KIFC1: variants seen among roughly 807,000 people sequenced by gnomAD.
KIFC1 encodes the protein kinesin family member C1, also known as kinesin-like protein KIFC1.
KIFC1 carries 37 observed loss-of-function variants against 66.6 expected under a neutral mutation model. That is an observed-to-expected ratio of 0.56 (90% CI 0.43 to 0.73). The LOEUF is 0.73. Among genes scored for constraint, KIFC1 ranks in the 30% least tolerant of loss-of-function variants. The probability of loss-of-function intolerance (pLI) is 0.00; values close to 1 mark genes in which losing one functional copy is unlikely to be tolerated. For synonymous variants in KIFC1, 325 were observed against 343.5 expected (o/e 0.95, Z 0.60); for missense variants, 721 against 859.8 (o/e 0.84, Z 2.02).
chr6:33,394,540 G>T (rs540581906), intron 1 of KIFC1, among the ~76,000 whole-genome samples: 1 of 152,260 alleles, frequency 6.6e-6, no homozygotes, highest in Non-Finnish European at 1.5e-5. Flanking sequence ...GGAGTGCAGT[G>T]GTGTGATCTC....
chr6:33,404,846 G>T lies in KIFC1; in HGVS notation c.757-6G>T. On this transcript the variant is annotated splice_region_variant and splice_polypyrimidine_tract_variant and intron_variant, in intron 6 of 10. Coordinates refer to ENST00000428849, the MANE Select transcript of KIFC1 (RefSeq NM_002263.4). The surrounding 1 kb of genome is among the most constrained non-coding windows in gnomAD (Gnocchi z 4.0). Reference sequence around the variant, plus strand: ...CTCTGTGTATGTTGTGTTCTCTTCTGGGCAGAGGAGGCTGCAGACATCAGA... The same window carrying T: ...CTCTGTGTATGTTGTGTTCTCTTCTTGGCAGAGGAGGCTGCAGACATCAGA... The T allele has an allele frequency of 6.3e-7, 1 of 1,599,982 alleles. No individual in the cohort carries two copies. The highest frequency in any genetic ancestry group is 8.5e-7 in the Non-Finnish European group (1 of 1,171,956).
Position 33,401,987 on chromosome 6 carries a change from G to A in KIFC1, c.251-1327G>A, listed in dbSNP as rs1775398235. On this transcript the variant is annotated intron_variant, in intron 3 of 10. Coordinates refer to ENST00000428849, the MANE Select transcript of KIFC1 (RefSeq NM_002263.4). This position sits in a 1 kb window ranked among gnomAD's most constrained non-coding sequence, Gnocchi z 4.5. ...CCCAAAGTGCTGGGATTACAGGCGT[G>A]AGCCACAGTGCCTGGCCTGGAATGC... is the stretch of plus-strand genomic sequence containing the variant. Among the ~76,000 whole-genome samples, 1 of 152,180 alleles carries A rather than the reference G, an allele frequency of 6.6e-6. No homozygotes were observed. The highest frequency in any genetic ancestry group is 1.5e-5 in the Non-Finnish European group (1 of 68,046).
In KIFC1 at chr6:33,409,647, T is replaced by C. The variant is rs4470839; in HGVS notation, c.1979T>C (p.Val660Ala). Residue 660 changes from valine (V) to alanine (A), a missense_variant and splice_region_variant, in exon 11 of 11, where the codon GTG becomes GCG. By Grantham distance (64) the Val-to-Ala change is moderately conservative. Coordinates refer to ENST00000428849, the MANE Select transcript of KIFC1 (RefSeq NM_002263.4). ...SLNSLRFASK[V>A]NQCVIGTAQA... ...TCCTGTCTAACCCCCTGCCCCCAGG[T>C]GAACCAGTGTGTTATTGGTACTGCT... The C allele has an allele frequency of 1.9e-6, 3 of 1,613,052 alleles. No individual in the cohort carries two copies. The Admixed American group carries it at 5.0e-5, about 27-fold the overall frequency.
In KIFC1 at chr6:33,409,749, G is replaced by GTGTC; in HGVS notation, c.*62_*63insCTGT. ...TGTGTGTGTGTGTGTGTGTGTGTGT[G>GTGTC]TGTGTCCCTATGTCTATGTATCGGG... On this transcript the variant is annotated 3_prime_UTR_variant, in exon 11 of 11. Transcript: ENST00000428849. The GTGTC allele has an allele frequency of 7.9e-7, 1 of 1,263,548 alleles. No homozygotes were observed. Among genetic ancestry groups the GTGTC allele is most frequent in the East Asian group, 2.4e-5 (1 of 41,782 alleles). 78.3% of individuals were successfully genotyped at this position (1,263,548 alleles called of 1,614,324 possible).
rs764793531 is a variant in KIFC1 at position 33,398,159 on chromosome 6, C to G, written c.143C>G (p.Pro48Arg). The stretch of plus-strand genomic sequence containing the variant: ...GACCAGATGGAAGATGGCCTGGAGC[C>G]TGAGAAGGTGAGCTGGGCATGGAGA... ...RPDQMEDGLEPEKKRTRGLGA... is the reference protein window; with the variant it reads ...RPDQMEDGLEREKKRTRGLGA... The change falls in exon 2 of 11, where the codon CCT becomes CGT. Residue 48 changes from proline to arginine, a missense_variant. Pro to Arg is a moderately radical substitution (Grantham distance 103). Coordinates refer to ENST00000428849, the MANE Select transcript of KIFC1 (RefSeq NM_002263.4). The G allele has an allele frequency of 6.2e-7, 1 of 1,613,956 alleles. No homozygotes were observed.
At position 33,409,705 on chromosome 6, in the gene KIFC1, C is replaced by CTCTGTG. The variant is rs879041071; in HGVS notation, c.*16_*17insCTGTGT. 0.019 allele frequency: 23,710 copies of CTCTGTG among 1,256,710 alleles called. 1,615 individuals are homozygous for CTCTGTG. Among genetic ancestry groups the CTCTGTG allele is most frequent in the East Asian group, 0.037 (1,441 of 39,030 alleles). The allele number at this position is 1,256,710 out of a possible 1,614,324, so 77.8% of individuals were successfully genotyped here. On this transcript the variant is annotated 3_prime_UTR_variant, in exon 11 of 11. Coordinates refer to ENST00000428849, the MANE Select transcript of KIFC1 (RefSeq NM_002263.4). ...ACAGGAAGTGAAGACGGATCCAGAT[C>CTCTGTG]TGTGTGTGTGTGTGTGTGTGTGTGT...
chr6:33,403,931 A>G lies in KIFC1; in HGVS notation c.558A>G (p.Thr186=), dbSNP rs2151090812. ...TCAAGGCCCTGGGGACAGAGCGCAC[A>G]ACACTGGAGGGGCATTTAGCCAAGG... The part of the protein sequence containing the change: ...QQVKALGTER[T]TLEGHLAKVQ... Residue 186 remains threonine (T), a synonymous_variant, in exon 6 of 11, where the codon ACA becomes ACG. Transcript: ENST00000428849. The surrounding 1 kb of genome is among the most constrained non-coding windows in gnomAD (Gnocchi z 4.6). 1 of 1,614,242 alleles carries G rather than the reference A, an allele frequency of 6.2e-7. No individual in the cohort carries two copies. The highest frequency in any genetic ancestry group is 2.2e-5 in the East Asian group (1 of 44,894).
chr6:33,403,678 G>A lies in KIFC1; in HGVS notation c.356-51G>A, dbSNP rs1259858551. 1 of 1,596,086 alleles carries A rather than the reference G, an allele frequency of 6.3e-7. No individual in the cohort carries two copies. Among genetic ancestry groups the A allele is most frequent in the South Asian group, 1.1e-5 (1 of 89,708 alleles). On this transcript the variant is annotated intron_variant, in intron 5 of 10. Transcript: ENST00000428849. This position sits in a 1 kb window ranked among gnomAD's most constrained non-coding sequence, Gnocchi z 4.6. Reference sequence around the variant, plus strand: ...CCCATAAAGGCTAGAAGGGAGGAGGGATAGAGAGCCTAGACTTCACTGACC... The same window carrying A: ...CCCATAAAGGCTAGAAGGGAGGAGGAATAGAGAGCCTAGACTTCACTGACC...
At position 33,397,955 on chromosome 6, in the gene KIFC1, T is replaced by C. The variant is rs915761958; in HGVS notation, c.13-74T>C. ...TGGTGGTGGTGTTGACAATTGAGGC[T>C]GGGGGCCAAGACAGGAAGTTCTTGG... On this transcript the variant is annotated intron_variant, in intron 1 of 10. Transcript: ENST00000428849. The C allele has an allele frequency of 2.1e-5, 33 of 1,538,734 alleles. No homozygotes were observed. The African/African-American group carries it at 3.4e-4, about 16-fold the overall frequency.
chr6:33,405,097 T>C lies in KIFC1; in HGVS notation c.1002T>C (p.Phe334=), dbSNP rs764215091. 1.9e-6 allele frequency: 3 copies of C among 1,614,096 alleles called. No individual in the cohort carries two copies. Among genetic ancestry groups the C allele is most frequent in the Non-Finnish European group, 2.5e-6 (3 of 1,179,998 alleles). ...EPTPPPGLLL[F]PSGPGGPSDP... ...CTCCACCCCCTGGCCTCCTCCTGTT[T>C]CCCTCTGGCCCTGGTGGGCCCTCTG... is the stretch of plus-strand genomic sequence containing the variant. Residue 334 remains phenylalanine, a synonymous_variant, in exon 7 of 11, where the codon TTT becomes TTC. Coordinates refer to ENST00000428849, the MANE Select transcript of KIFC1 (RefSeq NM_002263.4). This position sits in a 1 kb window ranked among gnomAD's most constrained non-coding sequence, Gnocchi z 5.4.
chr6:33,403,440 G>A lies in KIFC1; in HGVS notation c.305-45G>A. ...TAAAGGGAGAATGATGGAGGTGGAG[G>A]GACACTGGTCCTGTAATTCCTAAGT... is the stretch of plus-strand genomic sequence containing the variant. On this transcript the variant is annotated intron_variant, in intron 4 of 10. Transcript: ENST00000428849. The surrounding 1 kb of genome is among the most constrained non-coding windows in gnomAD (Gnocchi z 4.6). 1 of 1,609,984 alleles carries A rather than the reference G, an allele frequency of 6.2e-7. No homozygotes were observed. Among genetic ancestry groups the A allele is most frequent in the African/African-American group, 1.3e-5 (1 of 74,960 alleles).
At chr6:33,397,021 G>T (rs1300510515) in intron 1 of KIFC1, among the ~76,000 whole-genome samples, 5 of 115,748 alleles carry the variant, frequency 4.3e-5, no homozygotes, top group African/African-American at 1.3e-4. Flanking sequence ...ACGTAGTCTC[G>T]CTCTGTCACC....
chr6:33,400,019 G>A lies in KIFC1; in HGVS notation c.250+1632G>A. ...TTTTTTAACTTTTTTTTTTCGACCA[G>A]TTGTCAAATGATCCTTTATTGAAAT... On this transcript the variant is annotated intron_variant, in intron 3 of 10. Coordinates refer to ENST00000428849, the MANE Select transcript of KIFC1 (RefSeq NM_002263.4). This position sits in a 1 kb window ranked among gnomAD's most constrained non-coding sequence, Gnocchi z 4.3. 1 of 641,224 alleles carries A rather than the reference G, an allele frequency of 1.6e-6. No homozygotes were observed. The highest frequency in any genetic ancestry group is 2.8e-6 in the Non-Finnish European group (1 of 359,236). The allele number at this position is 641,224 out of a possible 1,614,324, so 39.7% of individuals were successfully genotyped here. A position where few individuals can be genotyped will look rare whatever the true frequency, so the allele number is the denominator to read the frequency against.
Position 33,409,839 on chromosome 6 carries a change from CAAAT to C in KIFC1, c.*153_*156del, listed in dbSNP as rs1258584133. On this transcript the variant is annotated 3_prime_UTR_variant, in exon 11 of 11. Transcript: ENST00000428849. ...GGAGGGCACCATGTCCCAGGGCTAT[CAAAT>C]AAAGAATAGTTTGGTTTTTTTTTTA... 6 of 729,156 alleles carry C rather than the reference CAAAT, an allele frequency of 8.2e-6. No homozygotes were observed. The highest frequency in any genetic ancestry group is 1.9e-5 in the South Asian group (1 of 53,756). The allele number at this position is 729,156 out of a possible 1,614,324, so 45.2% of individuals were successfully genotyped here. A position where few individuals can be genotyped will look rare whatever the true frequency, so the allele number is the denominator to read the frequency against.
intron 10 of KIFC1, among the ~76,000 whole-genome samples, chr6:33,408,171 G>C (rs780320706): frequency 1.3e-5 from 2 of 152,194 alleles, no homozygotes; most frequent in Non-Finnish European, 2.9e-5. Context: ...AACTGTCTCA[G>C]AAGTGTCTTT....
upstream of KIFC1, chr6:33,391,645 C>T (rs1352351823): frequency 5.9e-6 from 3 of 509,866 alleles, no homozygotes; most frequent in South Asian, 2.1e-5. Context: ...ATAAGTGGCA[C>T]CGGAAGTGGA....
At chr6:33,393,506 T>A (rs1774890359) in intron 1 of KIFC1, among the ~76,000 whole-genome samples, 1 of 141,240 alleles carries the variant, frequency 7.1e-6, no homozygotes, top group African/African-American at 2.6e-5. Context: ...AGTGGCATGA[T>A]CATGGCTCAC....
In KIFC1 at chr6:33,404,589, C is replaced by T. The variant is rs911523502; in HGVS notation, c.757-263C>T. ...TTTCTGGAATGTTCTTTGTATACTA[C>T]ATCCTTCCTTGGTTCACTCCTGTAC... On this transcript the variant is annotated intron_variant, in intron 6 of 10. Coordinates refer to ENST00000428849, the MANE Select transcript of KIFC1 (RefSeq NM_002263.4). This position sits in a 1 kb window ranked among gnomAD's most constrained non-coding sequence, Gnocchi z 4.0. Among the ~76,000 whole-genome samples the T allele has an allele frequency of 1.3e-5, 2 of 152,144 alleles. No homozygotes were observed. Among genetic ancestry groups the T allele is most frequent in the African/African-American group, 2.4e-5 (1 of 41,420 alleles).
At position 33,406,493 on chromosome 6, in the gene KIFC1, A is replaced by C; in HGVS notation, c.1827+7A>C. The stretch of plus-strand genomic sequence containing the variant: ...CATGGCCCTGAGCAACAAGGTGGGA[A>C]TGGGAGTGGGGTGAGATACGGGACC... On this transcript the variant is annotated splice_region_variant and intron_variant, in intron 8 of 10. Transcript: ENST00000428849. This position sits in a 1 kb window ranked among gnomAD's most constrained non-coding sequence, Gnocchi z 4.5. 1 of 1,601,994 alleles carries C rather than the reference A, an allele frequency of 6.2e-7. No individual in the cohort carries two copies. Among genetic ancestry groups the C allele is most frequent in the Non-Finnish European group, 8.5e-7 (1 of 1,172,528 alleles).
Sources: gnomAD v4.1 joint callset for allele counts (sites outside exome capture counted in the v4.1 genomes callset) on GRCh38, gnomAD v4.1.1 for gene constraint, Gnocchi (gnomAD v3.1) non-coding constraint, MANE v1.5 for transcripts, NCBI Gene and HGNC (gene_info 2026-07-23, HGNC 2026-07-21) for gene names.